The following SPAG16 variants were observed in gnomAD, a reference collection of about 807,000 sequenced individuals.
SPAG16 encodes the protein sperm-associated antigen 16 protein.
A neutral mutation model predicts 80.4 loss-of-function variants in SPAG16; 86 were observed. That is an observed-to-expected ratio of 1.07 (90% CI 0.90 to 1.28). SPAG16 has a LOEUF of 1.28. Among genes scored for constraint, SPAG16 ranks in the 50% most tolerant of loss-of-function variants. SPAG16 has a pLI of 0.00. For missense variants in SPAG16, 870 were observed against 765.3 expected (o/e 1.14, Z -1.61); for synonymous variants, 294 against 265.9 (o/e 1.11, Z -1.03).
intron 3 of SPAG16, among the ~76,000 whole-genome samples, chr2:213,307,007 A>G (rs1321554197): frequency 6.6e-6 from 1 of 152,148 alleles, no homozygotes; most frequent in Non-Finnish European, 1.5e-5. Context: ...TAATGATCAG[A>G]GGTGTCTATT....
At chr2:213,890,405 A>T (rs1424762413) in intron 11 of SPAG16, among the ~76,000 whole-genome samples, 2 of 152,090 alleles carry the variant, frequency 1.3e-5, no homozygotes, top group Non-Finnish European at 2.9e-5. Flanking sequence ...GGACTTGAAG[A>T]CTGAGTAAAT....
intron 10 of SPAG16, among the ~76,000 whole-genome samples, chr2:213,543,341 T>C (rs2076515656): frequency 6.6e-6 from 1 of 152,048 alleles, no homozygotes; most frequent in African/African-American, 2.4e-5. Flanking sequence ...TGATCCCTTG[T>C]CAGTTTTAGA....
intron 15 of SPAG16, among the ~76,000 whole-genome samples, chr2:214,397,429 A>G (rs1437965069): frequency 6.6e-6 from 1 of 152,156 alleles, no homozygotes; most frequent in East Asian, 1.9e-4. Context: ...AAGTGCTGGG[A>G]TTACAGGCGT....
chr2:214,285,529 C>T (rs1693287368), intron 15 of SPAG16, among the ~76,000 whole-genome samples: 1 of 152,124 alleles, frequency 6.6e-6, no homozygotes, highest in South Asian at 2.1e-4. Flanking sequence ...AAACTGCTAG[C>T]CGGGCGTGGT....
At chr2:213,368,535 A>C (rs959747498) in intron 8 of SPAG16, among the ~76,000 whole-genome samples, 1 of 152,206 alleles carries the variant, frequency 6.6e-6, no homozygotes, top group African/African-American at 2.4e-5. Flanking sequence ...CACCACTCCT[A>C]TTCAACATAG....
chr2:213,373,807 A>G (rs2066760274), intron 8 of SPAG16, among the ~76,000 whole-genome samples: 1 of 152,178 alleles, frequency 6.6e-6, no homozygotes. Context: ...TGTACCTATG[A>G]GTTGTTTAGA....
At chr2:213,789,255 C>T (rs1358108660) in intron 10 of SPAG16, among the ~76,000 whole-genome samples, 1 of 151,892 alleles carries the variant, frequency 6.6e-6, no homozygotes, top group East Asian at 1.9e-4. Context: ...TTTGGGTTAA[C>T]AACTTAGTAA....
In SPAG16 at chr2:213,577,776, G is replaced by C. The variant is rs2060177340; in HGVS notation, c.1070+87686G>C. Among the ~76,000 whole-genome samples, 6 of 152,114 alleles carry C rather than the reference G, an allele frequency of 3.9e-5. No homozygotes were observed. The South Asian group carries it at 1.2e-3, about 31-fold the overall frequency. ...TTATTTGAGAATGCAACATGTTGCA[G>C]AAATGAAGTCCAGCTGGGCATTCTG... On this transcript the variant is annotated intron_variant, in intron 10 of 15. Transcript: ENST00000331683.
At chr2:213,901,918 G>A (rs924707261) in intron 11 of SPAG16, among the ~76,000 whole-genome samples, 1 of 152,110 alleles carries the variant, frequency 6.6e-6, no homozygotes, top group South Asian at 2.1e-4. Context: ...TGAACACAGG[G>A]TGAGAAACAG....
chr2:214,285,281 A>T (rs1262273960), intron 15 of SPAG16, among the ~76,000 whole-genome samples: 3 of 152,112 alleles, frequency 2.0e-5, no homozygotes, highest in African/African-American at 7.2e-5. Flanking sequence ...TTGGAAAAGT[A>T]TCTACTCAGG....
intron 13 of SPAG16, among the ~76,000 whole-genome samples, chr2:214,098,935 A>G (rs1387335033): frequency 6.6e-6 from 1 of 152,078 alleles, no homozygotes; most frequent in African/African-American, 2.4e-5. Flanking sequence ...CAGTTACAGA[A>G]GTAGAAAAAA....
chr2:213,751,540 C>T (rs948064927), intron 10 of SPAG16, among the ~76,000 whole-genome samples: 2 of 152,176 alleles, frequency 1.3e-5, no homozygotes, highest in African/African-American at 4.8e-5. Context: ...TGGGTGAACT[C>T]CCTGCCACCT....
At chr2:214,091,914 A>G (rs2052239857) in intron 13 of SPAG16, among the ~76,000 whole-genome samples, 1 of 152,062 alleles carries the variant, frequency 6.6e-6, no homozygotes, top group Non-Finnish European at 1.5e-5. Flanking sequence ...GAAAAGAAAA[A>G]ACATTTCCAA....
chr2:213,581,497 TG>T (rs1187080810), intron 10 of SPAG16, among the ~76,000 whole-genome samples: 2 of 152,094 alleles, frequency 1.3e-5, no homozygotes, highest in African/African-American at 4.8e-5. Context: ...ATTATATTTA[TG>T]GCCACTGCTC....
chr2:213,781,538 C>A (rs1192755925), intron 10 of SPAG16, among the ~76,000 whole-genome samples: 1 of 152,092 alleles, frequency 6.6e-6, no homozygotes, highest in South Asian at 2.1e-4. Context: ...GAAAGAATAC[C>A]TTCCTTTATT....
intron 9 of SPAG16, among the ~76,000 whole-genome samples, chr2:213,377,327 T>C (rs2066925282): frequency 1.3e-5 from 2 of 152,184 alleles, no homozygotes; most frequent in African/African-American, 4.8e-5. Context: ...GTAATCATAA[T>C]AACAACTTTA....
At chr2:213,873,351 A>T (rs1276887722) in intron 11 of SPAG16, among the ~76,000 whole-genome samples, 1 of 151,942 alleles carries the variant, frequency 6.6e-6, no homozygotes, top group Non-Finnish European at 1.5e-5. Context: ...TCTGGTAATG[A>T]TGCCTTTATA....
At chr2:213,440,886 T>C (rs1362913112) in intron 9 of SPAG16, among the ~76,000 whole-genome samples, 1 of 152,130 alleles carries the variant, frequency 6.6e-6, no homozygotes, top group East Asian at 1.9e-4. Flanking sequence ...AGAGCAAAGG[T>C]AAATGAATTA....
chr2:214,041,978 GTATATATATATATATATA>G (rs1158447338), intron 13 of SPAG16, among the ~76,000 whole-genome samples: 1 of 116,362 alleles, frequency 8.6e-6, no homozygotes, highest in Admixed American at 8.5e-5. Flanking sequence ...GTCTGTGTGT[GTATATATATATATATATA>G]TATATATATA....
Sources: gnomAD v4.1 joint callset for allele counts (sites outside exome capture counted in the v4.1 genomes callset) on GRCh38, gnomAD v4.1.1 for gene constraint, MANE v1.5 for transcripts, NCBI Gene and HGNC (gene_info 2026-07-23, HGNC 2026-07-21) for gene names.